CROT: variants seen among roughly 807,000 people sequenced by gnomAD.
CROT encodes the protein carnitine O-octanoyltransferase.
A neutral mutation model predicts 89.2 loss-of-function variants in CROT; 84 were observed. That is an observed-to-expected ratio of 0.94 (90% confidence interval 0.79 to 1.13). The LOEUF (loss-of-function observed/expected upper bound fraction) is 1.13, where lower values mean the gene tolerates loss of function less well. Among genes scored for constraint, CROT ranks in the 50% most tolerant of loss-of-function variants. The probability of loss-of-function intolerance (pLI) is 0.00; values close to 1 mark genes in which losing one functional copy is unlikely to be tolerated. For missense variants in CROT, 711 were observed against 727.8 expected (o/e 0.98, Z 0.27); for synonymous variants, 212 against 239.5 (o/e 0.89, Z 1.06).
chr7:87,360,249 T>C (rs1374986235), intron 4 of CROT: 1 of 290,180 alleles, frequency 3.4e-6, no homozygotes. Context: ...TGGAATTCAA[T>C]TGCATATTGT....
intron 4 of CROT, chr7:87,360,127 T>C (rs1429376018): frequency 1.2e-5 from 11 of 929,914 alleles, no homozygotes; most frequent in African/African-American, 1.8e-5. Context: ...GTTGTTGTTT[T>C]ATCTGTATCT....
At position 87,369,418 on chromosome 7, in the gene CROT, G is replaced by C. The variant is rs372183838; in HGVS notation, c.590G>C (p.Arg197Pro). The change falls in exon 7 of 18, where the codon CGA becomes CCA. Residue 197 changes from arginine to proline, a missense_variant. By Grantham distance (103) the Arg-to-Pro change is moderately radical. Coordinates refer to ENST00000331536, the MANE Select transcript of CROT (RefSeq NM_021151.4). ...RSPNHIVVLC[R>P]GRAFVFDVIH... Reference sequence around the variant, plus strand: ...CCAAACCACATTGTAGTGCTGTGTCGAGGCCGAGCTTTTGTCTTTGATGTA... The same window carrying C: ...CCAAACCACATTGTAGTGCTGTGTCCAGGCCGAGCTTTTGTCTTTGATGTA... 1 of 1,613,060 alleles carries C rather than the reference G, an allele frequency of 6.2e-7. No individual in the cohort carries two copies. Among genetic ancestry groups the C allele is most frequent in the Middle Eastern group, 1.7e-4 (1 of 6,056 alleles).
At position 87,391,619 on chromosome 7, in the gene CROT, A is replaced by C; in HGVS notation, c.1332A>C (p.Thr444=). Residue 444 remains threonine (T), a synonymous_variant, in exon 14 of 18, where the codon ACA becomes ACC. Transcript: ENST00000331536. ...HPGCCYETAM[T]RHFYHGRTET... ...GTTGTTGCTATGAAACAGCTATGAC[A>C]AGACATTTTTATCATGGCCGTACAG... is the stretch of plus-strand genomic sequence containing the variant. The C allele has an allele frequency of 6.2e-7, 1 of 1,605,166 alleles. No individual in the cohort carries two copies. The highest frequency in any genetic ancestry group is 1.7e-5 in the Admixed American group (1 of 57,590).
At chr7:87,385,171 T>C (rs1294906532) in intron 13 of CROT, among the ~76,000 whole-genome samples, 4 of 152,160 alleles carry the variant, frequency 2.6e-5, no homozygotes, top group Non-Finnish European at 5.9e-5. Context: ...GCATTGGCTA[T>C]TCTGGGTCTT....
chr7:87,355,091 C>T (rs1448145762), intron 3 of CROT, among the ~76,000 whole-genome samples: 2 of 135,092 alleles, frequency 1.5e-5, no homozygotes, highest in South Asian at 4.7e-4. Flanking sequence ...ACCTTTCTTA[C>T]CAAAAATATG....
rs77810178 is a variant in CROT, at chr7:87,392,401, C to T, written c.1426-165C>T. Among the ~76,000 whole-genome samples the T allele has an allele frequency of 7.4e-3, 1,132 of 152,106 alleles. 14 individuals are homozygous for T. Among genetic ancestry groups the T allele is most frequent in the African/African-American group, 0.024 (1,015 of 41,484 alleles). On this transcript the variant is annotated intron_variant, in intron 14 of 17. Transcript: ENST00000331536. Reference sequence around the variant, plus strand: ...AGCAGGATATACAGGGAAGACTAGGCGATAGAATAACTGATGGAAAGATAT... The same window carrying T: ...AGCAGGATATACAGGGAAGACTAGGTGATAGAATAACTGATGGAAAGATAT...
chr7:87,378,641 A>G (rs1481197337), intron 10 of CROT, among the ~76,000 whole-genome samples: 1 of 152,222 alleles, frequency 6.6e-6, no homozygotes, highest in African/African-American at 2.4e-5. Context: ...GGAAATAGTC[A>G]GCTTCTTTGT....
At position 87,368,562 on chromosome 7, in the gene CROT, A is replaced by T. The variant is rs569666146; in HGVS notation, c.548-814A>T. Among the ~76,000 whole-genome samples the T allele has an allele frequency of 3.3e-5, 5 of 152,328 alleles. No individual in the cohort carries two copies. The South Asian group carries it at 1.0e-3, about 32-fold the overall frequency. The stretch of plus-strand genomic sequence containing the variant: ...TTTTATCAGGAGACTGTTCTTCCTC[A>T]TAGTTGATGAAAAGATTTCATAAGA... On this transcript the variant is annotated intron_variant, in intron 6 of 17. Transcript: ENST00000331536.
chr7:87,364,277 G>C (rs1204890092), intron 6 of CROT, among the ~76,000 whole-genome samples: 2 of 152,172 alleles, frequency 1.3e-5, no homozygotes, highest in African/African-American at 2.4e-5. Context: ...AAGATGATCA[G>C]TGCTGATCCT....
Position 87,392,973 on chromosome 7 carries a change from T to G in CROT, c.1624T>G (p.Ser542Ala), listed in dbSNP as rs1484427555. ...KSGGGGNFVL[S>A]TSLVGYLRVQ... ...CGGAGGAGGTGGAAATTTTGTTCTC[T>G]CAACAAGTCTGGTTGGCTATTTACG... is the stretch of plus-strand genomic sequence containing the variant. Residue 542 changes from serine to alanine, a missense_variant, in exon 17 of 18, where the codon TCA (serine) becomes GCA (alanine). Transcript: ENST00000331536. The G allele has an allele frequency of 2.5e-6, 4 of 1,613,748 alleles. No homozygotes were observed. The highest frequency in any genetic ancestry group is 3.4e-6 in the Non-Finnish European group (4 of 1,179,732).
chr7:87,357,019 C>T (rs1806098050), intron 3 of CROT, among the ~76,000 whole-genome samples: 1 of 152,140 alleles, frequency 6.6e-6, no homozygotes, highest in African/African-American at 2.4e-5. Flanking sequence ...GAGACTCTGT[C>T]TCAAAATATA....
chr7:87,386,389 C>T (rs1807183521), intron 13 of CROT, among the ~76,000 whole-genome samples: 1 of 152,066 alleles, frequency 6.6e-6, no homozygotes, highest in Admixed American at 6.5e-5. Flanking sequence ...GTTTCAATCT[C>T]AGGTTGTATG....
At chr7:87,351,223 G>A (rs1805856823) in intron 3 of CROT, among the ~76,000 whole-genome samples, 1 of 149,096 alleles carries the variant, frequency 6.7e-6, no homozygotes, top group African/African-American at 2.5e-5. Context: ...ACAGGAGAAT[G>A]GCGTGAACCC....
intron 6 of CROT, among the ~76,000 whole-genome samples, chr7:87,362,164 C>T (rs1189531567): frequency 6.6e-6 from 1 of 152,024 alleles, no homozygotes; most frequent in Non-Finnish European, 1.5e-5. Context: ...GATCTGGATG[C>T]TTCTCTTTCT....
At chr7:87,385,149 T>C (rs31636) in intron 13 of CROT, among the ~76,000 whole-genome samples, 3,210 of 152,112 alleles carry the variant, frequency 0.021, 116 homozygotes, top group African/African-American at 0.071. Context: ...TTTTTTTTTT[T>C]CCCCTGGTAT....
chr7:87,377,215 C>T (rs551273303), intron 9 of CROT, 134 bp from the exon 10 acceptor site: 14 of 553,200 alleles, frequency 2.5e-5, no homozygotes, highest in Non-Finnish European at 4.1e-5. Flanking sequence ...TGTTGCTGAT[C>T]ATAACTATAT....
intron 14 of CROT, 46 bp from the exon 15 acceptor site, chr7:87,392,520 G>A (rs1365281677): frequency 6.7e-7 from 1 of 1,494,714 alleles, no homozygotes; most frequent in African/African-American, 1.4e-5. Flanking sequence ...TTCTAGTTGG[G>A]TTTTGCACAG....
intron 2 of CROT, among the ~76,000 whole-genome samples, chr7:87,348,689 A>G (rs964117440): frequency 2.0e-5 from 3 of 152,234 alleles, no homozygotes; most frequent in African/African-American, 7.2e-5. Flanking sequence ...GTTTTGATAT[A>G]TTCATATGTA....
intron 7 of CROT, among the ~76,000 whole-genome samples, chr7:87,370,395 C>G (rs555643781): frequency 5.6e-4 from 86 of 152,234 alleles, no homozygotes; most frequent in Admixed American, 2.2e-3. Flanking sequence ...GTTGGCCAAG[C>G]TGGTCTTGAA....
Sources: gnomAD v4.1 joint callset for allele counts (sites outside exome capture counted in the v4.1 genomes callset) on GRCh38, gnomAD v4.1.1 for gene constraint, MANE v1.5 for transcripts, NCBI Gene and HGNC (gene_info 2026-07-23, HGNC 2026-07-21) for gene names.